Variants in ABI2 observed in about 807,000 individuals in gnomAD.
ABI2 encodes abl interactor 2.
In ABI2, 25 loss-of-function variants were observed where a neutral mutation model predicts 59.2. The ratio of observed to expected loss-of-function variants is 0.42; its 90% CI spans 0.31 to 0.59. ABI2 has a LOEUF of 0.59. Among genes scored for constraint, ABI2 ranks in the 20% least tolerant of loss-of-function variants. ABI2 has a pLI of 0.14. For synonymous variants in ABI2, 213 were observed against 235.5 expected (o/e 0.90, Z 0.87); for missense variants, 545 against 681.8 (o/e 0.80, Z 2.23).
chr2:203,398,143 C>T (rs1331583918), intron 8 of ABI2, among the ~76,000 whole-genome samples: 1 of 152,180 alleles, frequency 6.6e-6, no homozygotes, highest in Non-Finnish European at 1.5e-5. Context: ...ACACTTTTAG[C>T]CAAAATGGAT....
chr2:203,406,359 A>G (rs2097426179), intron 9 of ABI2, among the ~76,000 whole-genome samples: 1 of 152,232 alleles, frequency 6.6e-6, no homozygotes. Flanking sequence ...GAAAAAATCT[A>G]GTTCATAAAG....
At chr2:203,374,863 C>CA (rs2153122763) in intron 2 of ABI2, 1 of 455,032 alleles carries the variant, frequency 2.2e-6, no homozygotes, top group Admixed American at 2.3e-5. Context: ...GTAGTGCTAT[C>CA]CAGTACAGTC....
chr2:203,386,868 G>A (rs2096545260), intron 4 of ABI2, among the ~76,000 whole-genome samples: 1 of 151,932 alleles, frequency 6.6e-6, no homozygotes, highest in South Asian at 2.1e-4. Context: ...CTGAACTCCT[G>A]GCCTCAGGCG....
chr2:203,410,124 G>T (rs1436289225), intron 9 of ABI2, among the ~76,000 whole-genome samples: 1 of 152,112 alleles, frequency 6.6e-6, no homozygotes, highest in Non-Finnish European at 1.5e-5. Context: ...CAGCTTGGCA[G>T]GTTCCCTTCT....
At chr2:203,347,245 C>T (rs1307631511) in intron 1 of ABI2, among the ~76,000 whole-genome samples, 1 of 152,118 alleles carries the variant, frequency 6.6e-6, no homozygotes, top group Admixed American at 6.6e-5. Context: ...TTCATTTTTG[C>T]TCTATTTTTC....
chr2:203,406,838 T>G (rs1579901444), intron 9 of ABI2, among the ~76,000 whole-genome samples: 1 of 152,132 alleles, frequency 6.6e-6, no homozygotes, highest in East Asian at 1.9e-4. Context: ...TCTTTTTTTT[T>G]CTTTAATAGA....
rs1415264009 is a variant in ABI2, at chr2:203,380,424, C to G, written c.462+40C>G. 7 of 1,265,088 alleles carry G rather than the reference C, an allele frequency of 5.5e-6. No homozygotes were observed. In the African/African-American group the frequency reaches 1.1e-4, roughly 20 times the overall value. 78.4% of individuals were successfully genotyped at this position (1,265,088 alleles called of 1,614,324 possible). On this transcript the variant is annotated intron_variant, in intron 3 of 11. Transcript: ENST00000261018. ...TTTCAAGCTTTTAAAAGTAGTAACC[C>G]ATAATGAAACCAACTCTTGAGAAAA...
intron 1 of ABI2, among the ~76,000 whole-genome samples, chr2:203,349,946 A>G (rs1200288564): frequency 6.6e-6 from 1 of 152,108 alleles, no homozygotes; most frequent in Non-Finnish European, 1.5e-5. Context: ...TGGTAACTGT[A>G]TATTTAACCA....
At chr2:203,396,734 C>A in intron 7 of ABI2, 51 bp from the exon 8 acceptor site, 2 of 1,460,640 alleles carry the variant, frequency 1.4e-6, no homozygotes, top group African/African-American at 1.4e-5. Flanking sequence ...TCTAATCCTG[C>A]CTCATGTGAT....
chr2:203,372,154 C>T (rs1422237524), intron 2 of ABI2, among the ~76,000 whole-genome samples: 1 of 151,824 alleles, frequency 6.6e-6, no homozygotes, highest in East Asian at 1.9e-4. Context: ...TGCCTTCAAG[C>T]ATCTGTTTAA....
intron 1 of ABI2, among the ~76,000 whole-genome samples, chr2:203,331,897 T>TC (rs1389185017): frequency 2.7e-5 from 4 of 149,710 alleles, no homozygotes; most frequent in Non-Finnish European, 4.4e-5. Flanking sequence ...GCAACCTTCG[T>TC]CCCCCGGGTT....
At chr2:203,333,943 C>CT (rs1428493426) in intron 1 of ABI2, among the ~76,000 whole-genome samples, 335 of 143,426 alleles carry the variant, frequency 2.3e-3, no homozygotes, top group African/African-American at 6.4e-3. Context: ...TTTTTTCTTT[C>CT]TTTTTTTTTT....
At chr2:203,336,776 A>G (rs1222189317) in intron 1 of ABI2, among the ~76,000 whole-genome samples, 1 of 152,222 alleles carries the variant, frequency 6.6e-6, no homozygotes, top group Non-Finnish European at 1.5e-5. Context: ...GGGCAGGTCT[A>G]TCACATTGCC....
At chr2:203,420,016 C>T (rs2098128383) in intron 11 of ABI2, among the ~76,000 whole-genome samples, 1 of 152,078 alleles carries the variant, frequency 6.6e-6, no homozygotes, top group Non-Finnish European at 1.5e-5. Flanking sequence ...GAAATGTTAG[C>T]TCTATTGTAA....
intron 10 of ABI2, among the ~76,000 whole-genome samples, chr2:203,413,613 T>C (rs1377598038): frequency 6.6e-6 from 1 of 152,186 alleles, no homozygotes; most frequent in African/African-American, 2.4e-5. Flanking sequence ...AAAAATTGTG[T>C]ATGAGGTGTG....
intron 9 of ABI2, among the ~76,000 whole-genome samples, chr2:203,408,216 G>T (rs1169086553): frequency 6.7e-6 from 1 of 148,952 alleles, no homozygotes; most frequent in Non-Finnish European, 1.5e-5. Context: ...AGGCTGGAGT[G>T]CAATGGCATG....
intron 7 of ABI2, among the ~76,000 whole-genome samples, chr2:203,396,320 T>C (rs1481656950): frequency 3.9e-5 from 6 of 152,212 alleles, no homozygotes; most frequent in East Asian, 1.9e-4. Context: ...AATTTACTTA[T>C]AGTAACAAGT....
intron 1 of ABI2, among the ~76,000 whole-genome samples, chr2:203,348,431 A>G (rs2085146359): frequency 6.6e-6 from 1 of 152,184 alleles, no homozygotes; most frequent in Non-Finnish European, 1.5e-5. Flanking sequence ...GAAAACATGC[A>G]TAATTTATAT....
intron 1 of ABI2, among the ~76,000 whole-genome samples, chr2:203,329,739 TTTTTC>T (rs756352577): frequency 1.3e-4 from 20 of 152,050 alleles, no homozygotes; most frequent in Admixed American, 3.3e-4. Context: ...GGATCCTTCT[TTTTTC>T]TTTTCTTTTT....
Sources: allele counts gnomAD v4.1 joint callset (sites outside exome capture counted in the v4.1 genomes callset), GRCh38; gene constraint gnomAD v4.1.1; transcripts MANE v1.5; gene names NCBI Gene and HGNC (gene_info 2026-07-23, HGNC 2026-07-21).